Variants in MVP observed in about 807,000 individuals in gnomAD.
MVP encodes the protein lung resistance-related protein.
Under a neutral mutation model 83.5 loss-of-function variants are expected in MVP, and 62 were observed. The ratio of observed to expected loss-of-function variants is 0.74; its 90% CI spans 0.61 to 0.92. The LOEUF is 0.92. Among genes scored for constraint, MVP ranks in the 40% least tolerant of loss-of-function variants. MVP has a pLI of 0.00. For missense variants in MVP, 1,000 were observed against 1,203.4 expected (o/e 0.83, Z 2.50); for synonymous variants, 505 against 504.1 (o/e 1.00, Z -0.02).
intron 1 of MVP, among the ~76,000 whole-genome samples, chr16:29,826,925 C>G (rs1380033518): frequency 1.4e-5 from 1 of 70,850 alleles, no homozygotes; most frequent in African/African-American, 4.3e-5. Context: ...GAGTCCATCT[C>G]AAAAAAAAAA....
intron 3 of MVP, among the ~76,000 whole-genome samples, chr16:29,831,431 G>A (rs1336303942): frequency 6.6e-6 from 1 of 152,186 alleles, no homozygotes; most frequent in Non-Finnish European, 1.5e-5. Flanking sequence ...TGGGATTACA[G>A]GCATGAGCCA....
chr16:29,847,679 A>C (rs1246998395), intron 14 of MVP, 83 bp from the exon 15 acceptor site: 2 of 1,392,238 alleles, frequency 1.4e-6, no homozygotes, highest in Non-Finnish European at 2.0e-6. Context: ...GTGACCCTTC[A>C]AACCAGCTGA....
At chr16:29,831,841 G>C (rs940341155) in intron 3 of MVP, 2 of 407,150 alleles carry the variant, frequency 4.9e-6, no homozygotes, top group Admixed American at 2.6e-5. Context: ...GTCCCCGTTG[G>C]CCTCAGGCCT....
intron 1 of MVP, chr16:29,829,740 A>C (rs2067427984): frequency 6.6e-6 from 1 of 152,112 alleles, no homozygotes; most frequent in African/African-American, 2.4e-5. Context: ...CAACTGCAGG[A>C]GCTGAGGATG....
chr16:29,845,578 G>T (rs2067577253), intron 11 of MVP, among the ~76,000 whole-genome samples: 1 of 152,118 alleles, frequency 6.6e-6, no homozygotes, highest in East Asian at 1.9e-4. Flanking sequence ...TCTTTGCCTG[G>T]TCTCTCCCAC....
At chr16:29,836,279 A>C (rs1046861968) in intron 6 of MVP, among the ~76,000 whole-genome samples, 8 of 151,684 alleles carry the variant, frequency 5.3e-5, no homozygotes, top group Non-Finnish European at 1.0e-4. Context: ...AAAAAAAAAA[A>C]AAAAAACAAA....
chr16:29,842,160 C>T, intron 10 of MVP, 48 bp downstream of exon 10: 1 of 1,534,510 alleles, frequency 6.5e-7, no homozygotes, highest in Non-Finnish European at 8.8e-7. Flanking sequence ...AATCCCAGCA[C>T]TTTGGGAGGC....
intron 1 of MVP, among the ~76,000 whole-genome samples, chr16:29,828,239 G>A (rs1183398477): frequency 6.6e-6 from 1 of 152,040 alleles, no homozygotes; most frequent in Admixed American, 6.6e-5. Flanking sequence ...GATTACAGGT[G>A]TGAGCCAGCA....
Position 29,831,141 on chromosome 16 carries a change from C to T in MVP, c.321+68C>T. 8 of 1,375,354 alleles carry T rather than the reference C, an allele frequency of 5.8e-6. No individual in the cohort carries two copies. The East Asian group carries it at 7.1e-5, about 12-fold the overall frequency. The allele number at this position is 1,375,354 out of a possible 1,614,324, so 85.2% of individuals were successfully genotyped here. Reference sequence around the variant, plus strand: ...TCCACCTGCCTTGGGCTCTATACTGCTGCCTTCTTCTTCTTTTTTTCTTTT... The same window carrying T: ...TCCACCTGCCTTGGGCTCTATACTGTTGCCTTCTTCTTCTTTTTTTCTTTT... On this transcript the variant is annotated intron_variant, in intron 3 of 14. Coordinates refer to ENST00000357402, the MANE Select transcript of MVP (RefSeq NM_005115.5).
rs1434911109 is a variant in MVP, at chr16:29,835,727, G to T, written c.601G>T (p.Val201Leu). 1 of 1,613,904 alleles carries T rather than the reference G, an allele frequency of 6.2e-7. No individual in the cohort carries two copies. Among genetic ancestry groups the T allele is most frequent in the Admixed American group, 1.7e-5 (1 of 59,962 alleles). Residue 201 changes from valine (V) to leucine (L), a missense_variant, in exon 6 of 15, where the codon GTA becomes TTA. Transcript: ENST00000357402. ...AGGGGAAGAATGGCTGGTCACCACA[G>T]TAGGGGCGTACCTCCCAGCGGTGTT... ...VTGEEWLVTT[V>L]GAYLPAVFEE...
rs762406844 is a variant in MVP at position 29,847,239 on chromosome 16, C to G, written c.2308C>G (p.Leu770Val). 3.1e-6 allele frequency: 5 copies of G among 1,613,604 alleles called. No individual in the cohort carries two copies. In the African/African-American group the frequency reaches 6.7e-5, roughly 22 times the overall value. Residue 770 changes from leucine (L) to valine (V), a missense_variant, in exon 14 of 15, where the codon CTG becomes GTG. Transcript: ENST00000357402. The part of the protein sequence containing the change: ...QRVQKVRELE[L>V]VYARAQLELE... Reference sequence around the variant, plus strand: ...GGTCCAGAAGGTCCGAGAGCTGGAACTGGTCTATGCCCGGGCCCAGCTGGA... The same window carrying G: ...GGTCCAGAAGGTCCGAGAGCTGGAAGTGGTCTATGCCCGGGCCCAGCTGGA...
chr16:29,838,851 A>T (rs1011566636), intron 7 of MVP, among the ~76,000 whole-genome samples: 1 of 152,138 alleles, frequency 6.6e-6, no homozygotes, highest in Non-Finnish European at 1.5e-5. Context: ...AAATAATGAC[A>T]TACGTGCTAC....
chr16:29,830,159 A>G (rs7193845), intron 1 of MVP: 4,986 of 174,590 alleles, frequency 0.029, 256 homozygotes, highest in African/African-American at 0.11. Context: ...AGCTTGCTGT[A>G]TCTCTCCACC....
At position 29,847,236 on chromosome 16, in the gene MVP, G is replaced by A; in HGVS notation, c.2305G>A (p.Glu769Lys). Reference protein sequence around the residue: ...LQRVQKVRELELVYARAQLEL... With the variant: ...LQRVQKVRELKLVYARAQLEL... Reference sequence around the variant, plus strand: ...GAGGGTCCAGAAGGTCCGAGAGCTGGAACTGGTCTATGCCCGGGCCCAGCT... The same window carrying A: ...GAGGGTCCAGAAGGTCCGAGAGCTGAAACTGGTCTATGCCCGGGCCCAGCT... The change falls in exon 14 of 15, where the codon GAA becomes AAA. Residue 769 changes from glutamate to lysine, a missense_variant. Physicochemically the swap from Glu to Lys is moderately conservative, Grantham distance 56. Transcript: ENST00000357402. The A allele has an allele frequency of 6.2e-7, 1 of 1,613,716 alleles. No homozygotes were observed. The highest frequency in any genetic ancestry group is 1.6e-4 in the Middle Eastern group (1 of 6,062).
Position 29,840,406 on chromosome 16 carries a change from A to G in MVP, c.1138A>G (p.Ile380Val). Residue 380 changes from isoleucine to valine, a missense_variant, in exon 8 of 15, where the codon ATC becomes GTC. Ile to Val is a conservative substitution (Grantham distance 29). Transcript: ENST00000357402. ...GGAGGTGGTGGAGGAGCGCCAGGCC[A>G]TCCCTCTAGACGAGAACGAGGGCAT... ...KVEVVEERQA[I>V]PLDENEGIYV... 1 of 1,589,134 alleles carries G rather than the reference A, an allele frequency of 6.3e-7. No individual in the cohort carries two copies. The highest frequency in any genetic ancestry group is 8.6e-7 in the Non-Finnish European group (1 of 1,168,578).
At chr16:29,821,954 G>A (rs537228295) in intron 1 of MVP, among the ~76,000 whole-genome samples, 2 of 152,298 alleles carry the variant, frequency 1.3e-5, no homozygotes, top group Admixed American at 6.5e-5. Flanking sequence ...GGCTGGATGC[G>A]GTGGCTCAGG....
intron 7 of MVP, 57 bp downstream of exon 7, chr16:29,837,015 G>A (rs1449468992): frequency 1.3e-6 from 2 of 1,491,648 alleles, no homozygotes; most frequent in South Asian, 1.3e-5. Context: ...TCCTCTAGTG[G>A]CATGAGGCCC....
chr16:29,831,826 C>T (rs766033187), intron 3 of MVP: 7 of 421,140 alleles, frequency 1.7e-5, no homozygotes, highest in Non-Finnish European at 3.4e-5. Flanking sequence ...TACAGCCAGG[C>T]TCTTGTCCCC....
chr16:29,847,157 G>T, intron 13 of MVP, 40 bp from the exon 14 acceptor site: 1 of 1,600,534 alleles, frequency 6.2e-7, no homozygotes, highest in Non-Finnish European at 8.5e-7. Context: ...ATTCCAGCCT[G>T]GGTCAAAAAA....
Sources: allele counts gnomAD v4.1 joint callset (sites outside exome capture counted in the v4.1 genomes callset), GRCh38; gene constraint gnomAD v4.1.1; transcripts MANE v1.5; gene names NCBI Gene and HGNC (gene_info 2026-07-23, HGNC 2026-07-21).